Variants in SERP2 observed in about 807,000 individuals in gnomAD.
SERP2 encodes the protein stress-associated endoplasmic reticulum protein 2.
In SERP2, 6 loss-of-function variants were observed where a neutral mutation model predicts 9.1. The ratio of observed to expected loss-of-function variants is 0.66; its 90% confidence interval spans 0.36 to 1.30. SERP2 has a LOEUF of 1.30. SERP2 is among the 50% of genes most tolerant of loss of function. The probability of loss-of-function intolerance (pLI) is 0.03; values close to 1 mark genes in which losing one functional copy is unlikely to be tolerated. For missense variants in SERP2, 58 were observed against 81.9 expected (o/e 0.71, Z 1.13); for synonymous variants, 37 against 27.3 (o/e 1.35, Z -1.10).
chr13:44,381,515 C>G (rs1871977746), intron 2 of SERP2, among the ~76,000 whole-genome samples: 1 of 152,200 alleles, frequency 6.6e-6, no homozygotes, highest in Admixed American at 6.5e-5. Flanking sequence ...GTACTCCTTC[C>G]TGGGCAACTG....
In SERP2 at chr13:44,397,277, TTTCAGATCA is replaced by T. The variant is rs1316418865; in HGVS notation, c.170_178del (p.Ile57_Gln59del). The stretch of plus-strand genomic sequence containing the variant: ...TGGTGTTTTCCTCTTTTCAGCTATC[TTTCAGATCA>T]TTCAGAGCATAAGGATGGGCATGTG... On this transcript the variant is annotated inframe_deletion, in exon 3 of 3. Coordinates refer to ENST00000379179, the MANE Select transcript of SERP2 (RefSeq NM_001010897.3). The T allele has an allele frequency of 6.2e-7, 1 of 1,613,768 alleles. No homozygotes were observed.
intron 2 of SERP2, among the ~76,000 whole-genome samples, chr13:44,389,828 T>G (rs1035900781): frequency 6.6e-6 from 1 of 152,192 alleles, no homozygotes; most frequent in Non-Finnish European, 1.5e-5. Flanking sequence ...CATACAACTG[T>G]TTTGGCTACC....
chr13:44,373,787 CG>C (rs1425259859), upstream of SERP2: 1 of 466,528 alleles, frequency 2.1e-6, no homozygotes, highest in Non-Finnish European at 3.8e-6. This position sits in a 1 kb window ranked among gnomAD's most constrained non-coding sequence, Gnocchi z 4.8. Flanking sequence ...GGAAGGATGG[CG>C]AGGAAGTCGG....
intron 2 of SERP2, among the ~76,000 whole-genome samples, chr13:44,382,129 A>C (rs1872016294): frequency 6.6e-6 from 1 of 151,968 alleles, no homozygotes; most frequent in Non-Finnish European, 1.5e-5. Context: ...ATTCTCAAAG[A>C]AGAACGATTA....
At chr13:44,376,250 T>C (rs1326502398) in intron 1 of SERP2, among the ~76,000 whole-genome samples, 1 of 152,260 alleles carries the variant, frequency 6.6e-6, no homozygotes, top group African/African-American at 2.4e-5. Context: ...AAATCTCATG[T>C]TCTCAATTAC....
chr13:44,390,503 A>C, intron 2 of SERP2: 1 of 454,730 alleles, frequency 2.2e-6, no homozygotes, highest in Non-Finnish European at 4.4e-6. Flanking sequence ...GAGGCCATTC[A>C]TCTGCTCTGG....
intron 1 of SERP2, 62 bp downstream of exon 1, chr13:44,374,171 T>TGGGGGGGGGGGGGGGGG: frequency 1.1e-5 from 1 of 94,474 alleles, no homozygotes; most frequent in South Asian, 2.2e-4. Context: ...GGGCGGAAGG[T>TGGGGGGGGGGGGGGGGG]GGGGGCGGGG....
At chr13:44,374,171 T>TGGGGGGGGGGGGGG in intron 1 of SERP2, 62 bp downstream of exon 1, 1 of 94,476 alleles carries the variant, frequency 1.1e-5, no homozygotes. Context: ...GGGCGGAAGG[T>TGGGGGGGGGGGGGG]GGGGGCGGGG....
intron 2 of SERP2, among the ~76,000 whole-genome samples, chr13:44,380,705 G>A (rs1871922213): frequency 6.6e-6 from 1 of 152,178 alleles, no homozygotes; most frequent in African/African-American, 2.4e-5. Flanking sequence ...ATTCCAAGAT[G>A]AGAAAATCTT....
intron 2 of SERP2, among the ~76,000 whole-genome samples, chr13:44,394,214 TGCAACC>T (rs1350290530): frequency 1.3e-5 from 2 of 152,192 alleles, no homozygotes; most frequent in Admixed American, 6.5e-5. Flanking sequence ...CTCGGCTCAC[TGCAACC>T]TCCACCTCCC....
chr13:44,384,371 G>A (rs952477190), intron 2 of SERP2, among the ~76,000 whole-genome samples: 4 of 152,046 alleles, frequency 2.6e-5, no homozygotes, highest in Admixed American at 2.0e-4. Context: ...ACGAATGTGC[G>A]GTCCTCAAGT....
At chr13:44,379,938 G>A (rs1566090363) in intron 2 of SERP2, among the ~76,000 whole-genome samples, 1 of 152,180 alleles carries the variant, frequency 6.6e-6, no homozygotes, top group African/African-American at 2.4e-5. Flanking sequence ...TGATTACACT[G>A]AGTAGTTAAA....
chr13:44,379,082 G>A (rs1228977447), intron 1 of SERP2, among the ~76,000 whole-genome samples: 3 of 152,174 alleles, frequency 2.0e-5, no homozygotes, highest in Non-Finnish European at 4.4e-5. Context: ...AAATGTCTGT[G>A]CTCTCTGATC....
chr13:44,397,503 C>T lies in SERP2; in HGVS notation c.*191C>T, dbSNP rs958596262. On this transcript the variant is annotated 3_prime_UTR_variant, in exon 3 of 3. Transcript: ENST00000379179. ...CTCACAGGACATCTTGGTGCATCCG[C>T]GTTCTCAAGCGGAAAGGACATTTTG... 1.7e-6 allele frequency: 1 copy of T among 597,232 alleles called. No individual in the cohort carries two copies. Among genetic ancestry groups the T allele is most frequent in the Non-Finnish European group, 3.0e-6 (1 of 335,142 alleles). The allele number at this position is 597,232 out of a possible 1,614,324, so 37.0% of individuals were successfully genotyped here.
intron 2 of SERP2, chr13:44,395,760 T>G (rs1204189043): frequency 2.2e-6 from 1 of 456,288 alleles, no homozygotes; most frequent in South Asian, 1.6e-5. Context: ...TGATTGACTC[T>G]GATTTGACTC....
intron 2 of SERP2, among the ~76,000 whole-genome samples, chr13:44,394,858 C>T (rs1040319371): frequency 6.6e-5 from 10 of 152,214 alleles, no homozygotes; most frequent in African/African-American, 1.9e-4. Context: ...AGCTACCAGG[C>T]AGTGAGTCCT....
intron 1 of SERP2, among the ~76,000 whole-genome samples, chr13:44,375,562 A>C (rs1871602787): frequency 6.6e-6 from 1 of 152,240 alleles, no homozygotes; most frequent in Non-Finnish European, 1.5e-5. Flanking sequence ...GAAGCAACTT[A>C]TAATTGATGT....
At chr13:44,384,201 A>G (rs963010329) in intron 2 of SERP2, among the ~76,000 whole-genome samples, 1 of 152,108 alleles carries the variant, frequency 6.6e-6, no homozygotes, top group Non-Finnish European at 1.5e-5. Context: ...AGAACATGTC[A>G]TGGGAAACAC....
At chr13:44,377,921 C>T (rs1214954318) in intron 1 of SERP2, among the ~76,000 whole-genome samples, 1 of 152,152 alleles carries the variant, frequency 6.6e-6, no homozygotes, top group African/African-American at 2.4e-5. Context: ...TAGTCCCTGC[C>T]CTTGTGGGGT....
Sources: allele counts gnomAD v4.1 joint callset (sites outside exome capture counted in the v4.1 genomes callset), GRCh38; gene constraint gnomAD v4.1.1; non-coding constraint Gnocchi (gnomAD v3.1); transcripts MANE v1.5; gene names NCBI Gene and HGNC (gene_info 2026-07-23, HGNC 2026-07-21).